Variants in ZZEF1 observed in about 807,000 individuals in gnomAD.
The protein encoded by ZZEF1 is zinc finger ZZ-type and EF-hand domain-containing protein 1.
Under a neutral mutation model 342.8 loss-of-function variants are expected in ZZEF1, and 157 were observed. That is an observed-to-expected ratio of 0.46 (90% CI 0.40 to 0.52). ZZEF1 has a LOEUF of 0.52. Among genes scored for constraint, ZZEF1 ranks in the 20% least tolerant of loss-of-function variants. The pLI is 0.00. For missense variants in ZZEF1, 3,480 were observed against 3,725.6 expected (o/e 0.93, Z 1.72); for synonymous variants, 1,505 against 1,429.1 (o/e 1.05, Z -1.20).
rs1238961778 is a variant in ZZEF1 at position 4,105,787 on chromosome 17, G to A, written c.1300C>T (p.Pro434Ser). ...NTQKALRHMP[P>S]LSLSPGSTDF... ...GTAGATCCTGGTGAGAGAGAGAGTGGAGGCATGTGCCGCAGCGCCTTCCTA... is the reference window on the plus strand; with the variant it reads ...GTAGATCCTGGTGAGAGAGAGAGTGAAGGCATGTGCCGCAGCGCCTTCCTA... Residue 434 changes from proline (P) to serine (S), a missense_variant, in exon 7 of 55, where the codon CCA becomes TCA. Physicochemically the swap from Pro to Ser is moderately conservative, Grantham distance 74. Transcript: ENST00000381638. 1 of 1,612,090 alleles carries A rather than the reference G, an allele frequency of 6.2e-7. No homozygotes were observed. Among genetic ancestry groups the A allele is most frequent in the African/African-American group, 1.3e-5 (1 of 74,876 alleles).
Position 4,034,143 on chromosome 17 carries a change from T to C in ZZEF1, c.6456A>G (p.Val2152=), listed in dbSNP as rs1471905586. 3.1e-6 allele frequency: 5 copies of C among 1,614,032 alleles called. No individual in the cohort carries two copies. Among genetic ancestry groups the C allele is most frequent in the Non-Finnish European group, 4.2e-6 (5 of 1,180,044 alleles). ...AGAGGACTTTGATCACTGCGGCGTCTACCTCTGCTGGCAAAAGACGGATAA... is the reference window on the plus strand; with the variant it reads ...AGAGGACTTTGATCACTGCGGCGTCCACCTCTGCTGGCAAAAGACGGATAA... ...QLIIRLLPAE[V]DAAVIKVLSA... Residue 2152 remains valine, a synonymous_variant, in exon 40 of 55, where the codon GTA becomes GTG. Transcript: ENST00000381638.
chr17:4,024,193 T>TTTTTG (rs2056347424), intron 43 of ZZEF1, among the ~76,000 whole-genome samples: 1 of 129,402 alleles, frequency 7.7e-6, no homozygotes, highest in Non-Finnish European at 1.6e-5. Context: ...CAGGTTTTTT[T>TTTTTG]TTTTTTTTTT....
Position 4,017,633 on chromosome 17 carries a change from G to A in ZZEF1, c.7739C>T (p.Ala2580Val), listed in dbSNP as rs753846313. ...STESELQQSY[A>V]KQRRSKSAAL... ...GGCGCTCTTGCTACGGCGCTGCTTG[G>A]CATAGCTCTGCTGCAGTTCGCTCTC... Residue 2580 changes from alanine to valine, a missense_variant, in exon 48 of 55, where the codon GCC becomes GTC. Ala to Val is a moderately conservative substitution (Grantham distance 64). Around this residue, in one of 5 missense-constraint regions of ZZEF1, gnomAD observed 1,269 missense variants for 1,342.4 expected, o/e 0.95. Transcript: ENST00000381638. This position sits in a 1 kb window ranked among gnomAD's most constrained non-coding sequence, Gnocchi z 5.1. 1 of 1,614,168 alleles carries A rather than the reference G, an allele frequency of 6.2e-7. No individual in the cohort carries two copies. The highest frequency in any genetic ancestry group is 8.5e-7 in the Non-Finnish European group (1 of 1,180,036).
intron 1 of ZZEF1, among the ~76,000 whole-genome samples, chr17:4,124,765 T>C (rs1384450824): frequency 2.0e-5 from 3 of 152,086 alleles, no homozygotes; most frequent in Non-Finnish European, 4.4e-5. Flanking sequence ...CCTGGGCTTT[T>C]TCAACACTCT....
intron 1 of ZZEF1, among the ~76,000 whole-genome samples, chr17:4,131,196 G>A (rs1483043902): frequency 1.3e-5 from 2 of 152,046 alleles, no homozygotes; most frequent in African/African-American, 2.4e-5. Context: ...ATCCAAGCAG[G>A]AGAAAATGAA....
At chr17:4,056,129 A>G in intron 33 of ZZEF1, 87 bp downstream of exon 33, 1 of 1,363,676 alleles carries the variant, frequency 7.3e-7, no homozygotes, top group South Asian at 2.0e-5. Context: ...CCTCTCAGGT[A>G]AGAGCCTGCC....
In ZZEF1 at chr17:4,006,009, T is replaced by C. The variant is rs562589335; in HGVS notation, c.*881A>G. 1.3e-5 allele frequency: 2 copies of C among 152,332 alleles called. No individual in the cohort carries two copies. Among genetic ancestry groups the C allele is most frequent in the East Asian group, 3.9e-4 (2 of 5,174 alleles). 9.4% of individuals were successfully genotyped at this position (152,332 alleles called of 1,614,324 possible). ...TGGGTATGACAGACTACCATGACTATCAAGCAGAAATAAAATTATGTGGGT... is the reference window on the plus strand; with the variant it reads ...TGGGTATGACAGACTACCATGACTACCAAGCAGAAATAAAATTATGTGGGT... On this transcript the variant is annotated 3_prime_UTR_variant, in exon 55 of 55. Transcript: ENST00000381638.
rs755197935 is a variant in ZZEF1 at position 4,139,045 on chromosome 17, C to G, written c.354+3497G>C. 1.7e-4 allele frequency among the ~76,000 whole-genome samples: 24 copies of G among 142,566 alleles called. 1 individual carries two copies. The highest frequency in any genetic ancestry group is 1.5e-5 in the Non-Finnish European group (1 of 65,564). 93.5% of individuals were successfully genotyped at this position (142,566 alleles called of 152,430 possible). ...CAGGAATGTGAAAGCAAGACAGCTG[C>G]GTGGACACCAATGGCAGCTAAGTTA... is the stretch of plus-strand genomic sequence containing the variant. On this transcript the variant is annotated intron_variant, in intron 1 of 54. Coordinates refer to ENST00000381638, the MANE Select transcript of ZZEF1 (RefSeq NM_015113.4).
intron 1 of ZZEF1, among the ~76,000 whole-genome samples, chr17:4,131,466 A>G (rs2058660958): frequency 1.5e-5 from 2 of 131,578 alleles, no homozygotes; most frequent in Non-Finnish European, 3.2e-5. Flanking sequence ...TTAACTCCAA[A>G]GAAAATAAAA....
In ZZEF1 at chr17:4,112,552, A is replaced by C. The variant is rs552740626; in HGVS notation, c.1066+57T>G. The C allele has an allele frequency of 6.4e-6, 10 of 1,571,404 alleles. No individual in the cohort carries two copies. The African/African-American group carries it at 1.2e-4, about 19-fold the overall frequency. On this transcript the variant is annotated intron_variant, in intron 5 of 54. Coordinates refer to ENST00000381638, the MANE Select transcript of ZZEF1 (RefSeq NM_015113.4). The stretch of plus-strand genomic sequence containing the variant: ...AAAAACTAACAGCCTCTTCACTTCA[A>C]AGTAAAAAATACTACTCCCTTGCTT...
intron 1 of ZZEF1, among the ~76,000 whole-genome samples, chr17:4,129,394 A>G (rs1261882027): frequency 1.3e-5 from 2 of 152,234 alleles, no homozygotes; most frequent in African/African-American, 4.8e-5. Flanking sequence ...ACCCAGAGGA[A>G]GAAATATCAT....
chr17:4,081,839 A>C (rs1199085250), intron 17 of ZZEF1, among the ~76,000 whole-genome samples: 4 of 152,230 alleles, frequency 2.6e-5, no homozygotes, highest in Non-Finnish European at 2.9e-5. Flanking sequence ...ATGTCTTCAC[A>C]GGACGGCCCC....
chr17:4,105,117 A>T (rs1340830651), intron 7 of ZZEF1, among the ~76,000 whole-genome samples: 1 of 152,296 alleles, frequency 6.6e-6, no homozygotes, highest in East Asian at 1.9e-4. Context: ...TTGACCAGAG[A>T]GTTGAGGGTT....
Position 4,082,472 on chromosome 17 carries a change from C to T in ZZEF1, c.2679G>A (p.Leu893=), listed in dbSNP as rs1481689402. The change falls in exon 17 of 55, where the codon CTG becomes CTA. Residue 893 remains leucine (L), a synonymous_variant. Coordinates refer to ENST00000381638, the MANE Select transcript of ZZEF1 (RefSeq NM_015113.4). ...NVTEQEHKQS[L]QLTFRSLCTY... ...TGCACAGTGAACGGAAAGTGAGCTG[C>T]AGGGACTGCTTGTGCTCCTGCTCGG... 6.2e-7 allele frequency: 1 copy of T among 1,614,134 alleles called. No homozygotes were observed.
chr17:4,009,454 G>C, intron 53 of ZZEF1, 150 bp downstream of exon 53: 2 of 1,086,910 alleles, frequency 1.8e-6, no homozygotes, highest in Admixed American at 4.0e-5. Context: ...AGAGGCGAGA[G>C]CCTCAGACTC....
At chr17:4,107,154 T>A (rs375029499) in intron 6 of ZZEF1, among the ~76,000 whole-genome samples, 1 of 152,338 alleles carries the variant, frequency 6.6e-6, no homozygotes, top group South Asian at 2.1e-4. Context: ...CTCATTGATA[T>A]TTTTTCAATA....
intron 9 of ZZEF1, among the ~76,000 whole-genome samples, chr17:4,100,322 C>T (rs887005585): frequency 6.6e-6 from 1 of 152,182 alleles, no homozygotes; most frequent in Non-Finnish European, 1.5e-5. Context: ...ATAGTGATGG[C>T]TGGAGGGAGT....
chr17:4,116,042 C>T (rs1382892516), intron 3 of ZZEF1, among the ~76,000 whole-genome samples: 2 of 152,028 alleles, frequency 1.3e-5, no homozygotes, highest in African/African-American at 4.8e-5. Context: ...CTAGTTTCAG[C>T]TGGGTGGTGG....
Position 4,006,519 on chromosome 17 carries a change from C to T in ZZEF1, c.*371G>A. The T allele has an allele frequency of 3.6e-6, 1 of 281,228 alleles. No individual in the cohort carries two copies. Among genetic ancestry groups the T allele is most frequent in the Non-Finnish European group, 6.9e-6 (1 of 144,726 alleles). The allele number at this position is 281,228 out of a possible 1,614,324, so 17.4% of individuals were successfully genotyped here. A position where few individuals can be genotyped will look rare whatever the true frequency, so the allele number is the denominator to read the frequency against. ...CTGTGCCTCCCTCTGAAGGCAAGTG[C>T]AGGCAGTTCCAGCTCCACGGAGACA... On this transcript the variant is annotated 3_prime_UTR_variant, in exon 55 of 55. Coordinates refer to ENST00000381638, the MANE Select transcript of ZZEF1 (RefSeq NM_015113.4).
Sources: allele counts gnomAD v4.1 joint callset (sites outside exome capture counted in the v4.1 genomes callset), GRCh38; gene constraint gnomAD v4.1.1; regional missense constraint gnomAD v4.1.1; non-coding constraint Gnocchi (gnomAD v3.1); transcripts MANE v1.5; gene names NCBI Gene and HGNC (gene_info 2026-07-23, HGNC 2026-07-21).